BCLAF1: variants seen among roughly 807,000 people sequenced by gnomAD.
BCLAF1 encodes bcl-2-associated transcription factor 1.
A neutral mutation model predicts 99.5 loss-of-function variants in BCLAF1; 10 were observed. That is an observed-to-expected ratio of 0.10 (90% CI 0.06 to 0.17). BCLAF1 has a LOEUF of 0.17. BCLAF1 is among the 10% of genes least tolerant of loss of function. The pLI is 1.00. For missense variants in BCLAF1, 636 were observed against 1,105.8 expected, an observed-to-expected ratio of 0.58 and a Z score of 6.02; for synonymous variants, 255 against 370.9, an observed-to-expected ratio of 0.69 and a Z score of 3.59.
intron 1 of BCLAF1, among the ~76,000 whole-genome samples, 151 bp downstream of exon 1, chr6:136,289,562 A>G (rs1476765796): frequency 6.6e-6 from 1 of 152,172 alleles, no homozygotes; most frequent in Non-Finnish European, 1.5e-5. Flanking sequence ...ACCTGAGAGA[A>G]GCTAACGAAA....
In BCLAF1 at chr6:136,273,147, C is replaced by A. The variant is rs759334303; in HGVS notation, c.1893G>T (p.Arg631=). The part of the protein sequence containing the change: ...FKSAAMTLNE[R]FTSYQKATEE... Reference sequence around the variant, plus strand: ...CAGTGGCTTTCTGATACGAAGTGAACCGCTCGTTTAGGGTCATTGCAGCTG... The same window carrying A: ...CAGTGGCTTTCTGATACGAAGTGAAACGCTCGTTTAGGGTCATTGCAGCTG... The change falls in exon 7 of 13, where the codon CGG becomes CGT. Residue 631 remains arginine (R), a synonymous_variant. Coordinates refer to ENST00000531224, the MANE Select transcript of BCLAF1 (RefSeq NM_014739.3). 6 of 1,612,176 alleles carry A rather than the reference C, an allele frequency of 3.7e-6. No individual in the cohort carries two copies. In the South Asian group the frequency reaches 6.6e-5, roughly 18 times the overall value.
chr6:136,281,286 C>A (rs376454870), intron 2 of BCLAF1, among the ~76,000 whole-genome samples: 5 of 152,230 alleles, frequency 3.3e-5, no homozygotes, highest in South Asian at 2.1e-4. Context: ...AAGAATTCCA[C>A]AACACATAAG....
rs748037301 is a variant in BCLAF1, at chr6:136,275,572, T to A, written c.1812A>T (p.Ser604=). 1.1e-5 allele frequency: 18 copies of A among 1,581,046 alleles called. No individual in the cohort carries two copies. Among genetic ancestry groups the A allele is most frequent in the Admixed American group, 1.9e-5 (1 of 52,590 alleles). The stretch of plus-strand genomic sequence containing the variant: ...CCAAGGACACAATGTGTTGAATAAA[T>A]GACTCTGAAGTGCTTTTGCTGGCCT... ...LPQASKSTSE[S]FIQHIVSLVH... is the part of the protein sequence containing the mutation. The change falls in exon 6 of 13, where the codon TCA becomes TCT. Residue 604 remains serine (S), a synonymous_variant. Transcript: ENST00000531224.
chr6:136,283,795 T>G (rs569574395), intron 1 of BCLAF1, among the ~76,000 whole-genome samples: 16 of 152,270 alleles, frequency 1.1e-4, no homozygotes, highest in African/African-American at 3.6e-4. Flanking sequence ...GGGAGAGATT[T>G]GAGGTTCAGC....
At chr6:136,270,129 C>A (rs1440973887) in intron 8 of BCLAF1, among the ~76,000 whole-genome samples, 1 of 151,380 alleles carries the variant, frequency 6.6e-6, no homozygotes, top group Non-Finnish European at 1.5e-5. Context: ...AAAAAAAAAA[C>A]TTCAGAAGTA....
chr6:136,271,667 A>C (rs1333473777), intron 8 of BCLAF1, among the ~76,000 whole-genome samples: 3 of 151,942 alleles, frequency 2.0e-5, no homozygotes, highest in Non-Finnish European at 4.4e-5. Flanking sequence ...TACTCTGGCT[A>C]ATGAATCTCA....
At chr6:136,275,789 A>C (rs1358269809) in intron 5 of BCLAF1, 54 bp downstream of exon 5, 1 of 1,572,214 alleles carries the variant, frequency 6.4e-7, no homozygotes, top group Admixed American at 1.9e-5. Context: ...TAAGATAATT[A>C]ACTGGAATAC....
chr6:136,260,607 T>A lies in BCLAF1; in HGVS notation c.*503A>T, dbSNP rs1214149854. On this transcript the variant is annotated 3_prime_UTR_variant, in exon 13 of 13. Coordinates refer to ENST00000531224, the MANE Select transcript of BCLAF1 (RefSeq NM_014739.3). ...TAGCTTAGTTTACCATAGTAACAAC[T>A]TTTTGTCTGTGGTATACTTCAAAAA... is the stretch of plus-strand genomic sequence containing the variant. 1 of 156,468 alleles carries A rather than the reference T, an allele frequency of 6.4e-6. No individual in the cohort carries two copies. The highest frequency in any genetic ancestry group is 6.5e-5 in the Admixed American group (1 of 15,360). 9.7% of individuals were successfully genotyped at this position (156,468 alleles called of 1,614,324 possible).
chr6:136,279,936 A>T (rs915277940), intron 2 of BCLAF1, 60 bp from the exon 3 acceptor site: 1 of 1,322,000 alleles, frequency 7.6e-7, no homozygotes, highest in East Asian at 2.8e-5. Flanking sequence ...AAAATTTTAC[A>T]TTATTACTTA....
chr6:136,272,469 T>A (rs564000758), intron 7 of BCLAF1, among the ~76,000 whole-genome samples: 2 of 151,986 alleles, frequency 1.3e-5, no homozygotes, highest in African/African-American at 2.4e-5. Context: ...ATTCTGCACC[T>A]TTCCTTTCTA....
At chr6:136,269,959 T>C (rs961725891) in intron 8 of BCLAF1, 3 of 167,434 alleles carry the variant, frequency 1.8e-5, no homozygotes, top group Non-Finnish European at 3.8e-5. Flanking sequence ...TCCCTCATCC[T>C]TCCAAATGCT....
At position 136,261,411 on chromosome 6, in the gene BCLAF1, G is replaced by A. The variant is rs61731058; in HGVS notation, c.2611C>T (p.Arg871Cys). 1.8e-5 allele frequency: 29 copies of A among 1,613,740 alleles called. No homozygotes were observed. Among genetic ancestry groups the A allele is most frequent in the Non-Finnish European group, 2.4e-5 (28 of 1,179,860 alleles). ...KRGRGRGTFQ[R>C]GRGRFNFKKS... ...TTGAAGTTAAAGCGCCCTCTGCCACGTTGAAAAGTACCACGACCTCTTCCT... is the reference window on the plus strand; with the variant it reads ...TTGAAGTTAAAGCGCCCTCTGCCACATTGAAAAGTACCACGACCTCTTCCT... Residue 871 changes from arginine to cysteine, a missense_variant, in exon 12 of 13, where the codon CGT (arginine) becomes TGT (cysteine). Transcript: ENST00000531224.
chr6:136,268,460 A>G (rs1335228967), intron 9 of BCLAF1, 121 bp from the exon 10 acceptor site: 4 of 902,832 alleles, frequency 4.4e-6, no homozygotes, highest in Non-Finnish European at 6.8e-6. Context: ...AATTATGTAA[A>G]TAAAATAATT....
At chr6:136,266,513 A>G (rs148814049) in intron 11 of BCLAF1, among the ~76,000 whole-genome samples, 8 of 152,208 alleles carry the variant, frequency 5.3e-5, no homozygotes, top group African/African-American at 1.9e-4. Flanking sequence ...CACCTCTACC[A>G]CAGGAAGCAC....
chr6:136,284,130 G>GTGTATATATATATATATATA (rs36141174), intron 1 of BCLAF1, among the ~76,000 whole-genome samples: 10 of 122,104 alleles, frequency 8.2e-5, no homozygotes, highest in African/African-American at 3.3e-4. Flanking sequence ...GTGTGTGTGT[G>GTGTATATATATATATATATA]TATATATATA....
intron 1 of BCLAF1, among the ~76,000 whole-genome samples, chr6:136,283,102 G>GCAAT (rs1584100982): frequency 7.2e-6 from 1 of 138,034 alleles, no homozygotes; most frequent in East Asian, 2.2e-4. Context: ...GTTTGACACT[G>GCAAT]CAATGCACTG....
At chr6:136,284,847 A>G (rs989602024) in intron 1 of BCLAF1, among the ~76,000 whole-genome samples, 2 of 152,166 alleles carry the variant, frequency 1.3e-5, no homozygotes, top group East Asian at 3.9e-4. Context: ...GGGGAAAAGT[A>G]CAAGTTAACA....
intron 11 of BCLAF1, among the ~76,000 whole-genome samples, chr6:136,264,502 G>A (rs977564232): frequency 6.6e-6 from 1 of 152,136 alleles, no homozygotes; most frequent in African/African-American, 2.4e-5. Context: ...ACCGTGCCTG[G>A]CCTGTTAGTT....
intron 3 of BCLAF1, chr6:136,279,447 C>T (rs1386612876): frequency 5.9e-6 from 1 of 168,840 alleles, no homozygotes; most frequent in Non-Finnish European, 1.3e-5. Flanking sequence ...AGATTGTTTA[C>T]TGTCAAATTC....
Sources: allele counts gnomAD v4.1 joint callset (sites outside exome capture counted in the v4.1 genomes callset), GRCh38; gene constraint gnomAD v4.1.1; transcripts MANE v1.5; gene names NCBI Gene and HGNC (gene_info 2026-07-23, HGNC 2026-07-21).